Variants in SAMMSON observed in about 807,000 individuals in gnomAD.
The protein encoded by SAMMSON is survival associated mitochondrial melanoma specific oncogenic non-coding RNA.
At chr3:70,231,409 CT>C (rs555805706) in intron 4 of SAMMSON, among the ~76,000 whole-genome samples, 69 of 152,354 alleles carry the variant, frequency 4.5e-4, no homozygotes, top group African/African-American at 1.7e-3. Flanking sequence ...GAGCTAAGCT[CT>C]ACCCCCAGAG....
chr3:70,047,616 G>A (rs2067131843), intron 3 of SAMMSON, among the ~76,000 whole-genome samples: 1 of 152,058 alleles, frequency 6.6e-6, no homozygotes, highest in Non-Finnish European at 1.5e-5. Flanking sequence ...TTATAGGCAT[G>A]AGCCATATAA....
downstream of SAMMSON, among the ~76,000 whole-genome samples, chr3:70,392,411 G>T (rs1701057096): frequency 6.6e-6 from 1 of 152,142 alleles, no homozygotes; most frequent in African/African-American, 2.4e-5. Context: ...CAAAGCCCCT[G>T]CAAGTAAACA....
intron 4 of SAMMSON, among the ~76,000 whole-genome samples, chr3:70,102,579 G>C (rs2067350296): frequency 6.6e-6 from 1 of 152,150 alleles, no homozygotes; most frequent in Non-Finnish European, 1.5e-5. Context: ...CCAATGAGCT[G>C]GGTGGCAGGG....
At chr3:70,221,473 C>T (rs1701459612) in intron 4 of SAMMSON, among the ~76,000 whole-genome samples, 1 of 152,056 alleles carries the variant, frequency 6.6e-6, no homozygotes, top group East Asian at 1.9e-4. Flanking sequence ...TTGGATTCTA[C>T]AGCCTTTCCT....
intron 3 of SAMMSON, among the ~76,000 whole-genome samples, chr3:70,067,691 T>A (rs2107593733): frequency 6.6e-6 from 1 of 152,232 alleles, no homozygotes; most frequent in Non-Finnish European, 1.5e-5. Flanking sequence ...GGACTAATCC[T>A]GTTTGAAATA....
chr3:70,138,130 G>T (rs1576132231), intron 4 of SAMMSON, among the ~76,000 whole-genome samples: 1 of 152,142 alleles, frequency 6.6e-6, no homozygotes, highest in Non-Finnish European at 1.5e-5. Flanking sequence ...AAATGTAAAA[G>T]CATGCTGATT....
chr3:70,281,683 C>A (rs1702085068), intron 6 of SAMMSON, among the ~76,000 whole-genome samples: 1 of 152,174 alleles, frequency 6.6e-6, no homozygotes, highest in Admixed American at 6.5e-5. Context: ...GAGGAATCCT[C>A]ACCATCATTG....
intron 9 of SAMMSON, among the ~76,000 whole-genome samples, chr3:70,368,500 T>C (rs1702938580): frequency 1.3e-5 from 2 of 151,690 alleles, no homozygotes; most frequent in African/African-American, 4.8e-5. Flanking sequence ...AAATTTTTAA[T>C]AACAAACTCA....
At chr3:70,267,706 C>T (rs540518878) in intron 6 of SAMMSON, among the ~76,000 whole-genome samples, 1 of 151,732 alleles carries the variant, frequency 6.6e-6, no homozygotes, top group African/African-American at 2.4e-5. Flanking sequence ...GAGAGCCACC[C>T]CGCCCAGCCT....
chr3:70,298,582 A>T (rs1018494782), intron 7 of SAMMSON, among the ~76,000 whole-genome samples: 3 of 152,146 alleles, frequency 2.0e-5, no homozygotes, highest in African/African-American at 7.2e-5. Context: ...ATCTAATTTC[A>T]TAACTAAGTC....
chr3:70,148,500 A>G (rs2067558086), intron 4 of SAMMSON, among the ~76,000 whole-genome samples: 1 of 152,124 alleles, frequency 6.6e-6, no homozygotes, highest in Non-Finnish European at 1.5e-5. Flanking sequence ...TAATTTATAA[A>G]GAAAAGAGGT....
intron 4 of SAMMSON, among the ~76,000 whole-genome samples, chr3:70,209,233 T>C (rs1701319087): frequency 6.6e-6 from 1 of 152,068 alleles, no homozygotes; most frequent in Non-Finnish European, 1.5e-5. Context: ...GATTGTAGGA[T>C]GTTTAGTGGT....
At chr3:70,427,447 A>G (rs766064642) in intron 2 of SAMMSON, among the ~76,000 whole-genome samples, 1 of 152,172 alleles carries the variant, frequency 6.6e-6, no homozygotes, top group East Asian at 1.9e-4. Context: ...CCTCTTAAAA[A>G]TGTCCAAAAG....
intron 2 of SAMMSON, among the ~76,000 whole-genome samples, chr3:70,398,614 A>G (rs1284231668): frequency 6.6e-6 from 1 of 152,228 alleles, no homozygotes; most frequent in African/African-American, 2.4e-5. Context: ...ATAGTTCATT[A>G]TAAAATAGCT....
intron 7 of SAMMSON, chr3:70,291,804 T>C (rs1238996344): frequency 6.6e-6 from 1 of 152,228 alleles, no homozygotes; most frequent in African/African-American, 2.4e-5. Flanking sequence ...GAATAATACA[T>C]TGTCTTTTTA....
At chr3:70,385,367 T>C (rs938438725) in intron 9 of SAMMSON, among the ~76,000 whole-genome samples, 1 of 152,088 alleles carries the variant, frequency 6.6e-6, no homozygotes, top group Non-Finnish European at 1.5e-5. Flanking sequence ...AAGGCCAAAA[T>C]TGGGCACAGC....
chr3:70,101,696 A>G (rs1473943295), intron 4 of SAMMSON, among the ~76,000 whole-genome samples: 1 of 152,156 alleles, frequency 6.6e-6, no homozygotes, highest in Non-Finnish European at 1.5e-5. Flanking sequence ...TCTTGCAAGC[A>G]TATTTATATC....
chr3:70,002,170 A>G (rs1365109113), intron 1 of SAMMSON, among the ~76,000 whole-genome samples: 1 of 152,194 alleles, frequency 6.6e-6, no homozygotes, highest in African/African-American at 2.4e-5. Context: ...ACGTCTGTAT[A>G]CAGTATATAT....
chr3:70,258,831 C>T (rs905871142), intron 6 of SAMMSON, among the ~76,000 whole-genome samples: 5 of 151,966 alleles, frequency 3.3e-5, no homozygotes, highest in East Asian at 1.9e-4. Context: ...CACACAAAAA[C>T]GCTGAGAGCA....
Sources: gnomAD v4.1 joint callset for allele counts (sites outside exome capture counted in the v4.1 genomes callset) on GRCh38, gnomAD v4.1.1 for gene constraint, MANE v1.5 for transcripts, NCBI Gene and HGNC (gene_info 2026-07-23, HGNC 2026-07-21) for gene names.